The following KATNAL2 variants were observed in gnomAD, a reference collection of about 807,000 sequenced individuals.
KATNAL2 encodes katanin p60 ATPase-containing subunit A-like 2.
In KATNAL2, 52 loss-of-function variants were observed where a neutral mutation model predicts 76.3. The observed-to-expected ratio is 0.68, with a 90% CI of 0.55 to 0.86. The LOEUF is 0.86. KATNAL2 is among the 40% of genes least tolerant of loss of function. The pLI is 0.00. For synonymous variants in KATNAL2, 243 were observed against 244.2 expected (o/e 1.00, Z 0.05); for missense variants, 660 against 668.9 (o/e 0.99, Z 0.15).
intron 3 of KATNAL2, among the ~76,000 whole-genome samples, chr18:47,031,622 C>G (rs757482111): frequency 5.9e-5 from 9 of 152,278 alleles, no homozygotes; most frequent in East Asian, 3.9e-4. Context: ...TAGTGTAATA[C>G]TGGCAATTCT....
intron 8 of KATNAL2, among the ~76,000 whole-genome samples, chr18:47,061,467 G>A (rs1188578132): frequency 6.6e-6 from 1 of 152,138 alleles, no homozygotes; most frequent in Non-Finnish European, 1.5e-5. Flanking sequence ...AGCCTTTCAT[G>A]AGAGTTCCTC....
chr18:46,944,184 C>T (rs1182310100), intron 1 of KATNAL2, among the ~76,000 whole-genome samples: 1 of 152,144 alleles, frequency 6.6e-6, no homozygotes, highest in Non-Finnish European at 1.5e-5. Flanking sequence ...TTAGAAAAGA[C>T]AATTTCAAAG....
At position 46,917,615 on chromosome 18, in the gene KATNAL2, ACAGCGCCCGCCCGCGCCTGCCC is replaced by A; in HGVS notation, c.-819_-798del. ...GCCCGCGCCTTCAGTCCGCGCGGCG[ACAGCGCCCGCCCGCGCCTGCCC>A]CGGCGTGCTGCCCCGCGGCTTGGCC... On this transcript the variant is annotated 5_prime_UTR_variant, in exon 1 of 18. Transcript: ENST00000683218. 1 of 963,072 alleles carries A rather than the reference ACAGCGCCCGCCCGCGCCTGCCC, an allele frequency of 1.0e-6. No homozygotes were observed. Among genetic ancestry groups the A allele is most frequent in the Non-Finnish European group, 1.2e-6 (1 of 802,648 alleles). 59.7% of individuals were successfully genotyped at this position (963,072 alleles called of 1,614,324 possible).
intron 1 of KATNAL2, among the ~76,000 whole-genome samples, chr18:46,919,145 G>C (rs2058360194): frequency 6.6e-6 from 1 of 151,718 alleles, no homozygotes; most frequent in African/African-American, 2.4e-5. Context: ...GAGGTCGGGA[G>C]TTGCAGACCA....
intron 15 of KATNAL2, among the ~76,000 whole-genome samples, chr18:47,094,796 A>G (rs923262836): frequency 6.6e-6 from 1 of 152,144 alleles, no homozygotes; most frequent in South Asian, 2.1e-4. Context: ...AGTACAGTAC[A>G]CTATTTTCAA....
At chr18:47,044,040 A>G (rs1001273326) in intron 3 of KATNAL2, among the ~76,000 whole-genome samples, 3 of 152,210 alleles carry the variant, frequency 2.0e-5, no homozygotes, top group African/African-American at 7.2e-5. Flanking sequence ...ATGATATATT[A>G]TTTAGAAACA....
At chr18:47,070,904 C>T (rs1300087059) in intron 13 of KATNAL2, among the ~76,000 whole-genome samples, 3 of 152,140 alleles carry the variant, frequency 2.0e-5, no homozygotes, top group Admixed American at 6.6e-5. Context: ...AACTCAGTGC[C>T]AGTTCCGAAG....
intron 3 of KATNAL2, chr18:47,035,645 A>G (rs2060739433): frequency 2.4e-6 from 1 of 418,040 alleles, no homozygotes; most frequent in African/African-American, 2.0e-5. Flanking sequence ...CCCCGCCCCC[A>G]TACGTACTCA....
At chr18:47,035,789 T>C (rs1394508190) in intron 3 of KATNAL2, among the ~76,000 whole-genome samples, 1 of 152,200 alleles carries the variant, frequency 6.6e-6, no homozygotes, top group African/African-American at 2.4e-5. Flanking sequence ...GTTCGCAGGT[T>C]CCACATCTGT....
rs1473431498 is a variant in KATNAL2, at chr18:47,081,056, CTTCT to C, written c.1211+3603_1211+3606del. On this transcript the variant is annotated intron_variant, in intron 15 of 17. Coordinates refer to ENST00000683218, the MANE Select transcript of KATNAL2 (RefSeq NM_001387690.1). ...CCCTTCCCTCTTTCCTTCCTTCCCT[CTTCT>C]TTCTTTCCCGCCTTCTTCCCTCCTT... Among the ~76,000 whole-genome samples the C allele has an allele frequency of 2.8e-4, 41 of 147,014 alleles. 1 individual carries two copies. Among genetic ancestry groups the C allele is most frequent in the African/African-American group, 6.6e-4 (27 of 40,708 alleles).
At chr18:46,943,676 G>A (rs2059309497) in intron 1 of KATNAL2, among the ~76,000 whole-genome samples, 1 of 152,230 alleles carries the variant, frequency 6.6e-6, no homozygotes, top group Admixed American at 6.5e-5. Flanking sequence ...CTATGGAGTA[G>A]CCATTCCTTT....
intron 3 of KATNAL2, chr18:47,033,540 G>A (rs2060593757): frequency 6.2e-7 from 1 of 1,614,142 alleles, no homozygotes; most frequent in Non-Finnish European, 8.5e-7. Flanking sequence ...TAACGAGTGC[G>A]TGATTGTCTT....
intron 3 of KATNAL2, among the ~76,000 whole-genome samples, chr18:46,953,961 G>A (rs1199629244): frequency 1.3e-5 from 2 of 152,112 alleles, no homozygotes; most frequent in Non-Finnish European, 2.9e-5. Flanking sequence ...GGGAATAAGG[G>A]CAAAATAAGT....
At chr18:47,035,056 G>T in intron 3 of KATNAL2, 1 of 1,611,818 alleles carries the variant, frequency 6.2e-7, no homozygotes, top group Non-Finnish European at 8.5e-7. Flanking sequence ...CCACCGGGCC[G>T]CTAAGTCTCT....
intron 8 of KATNAL2, among the ~76,000 whole-genome samples, chr18:47,061,393 A>G (rs2061626714): frequency 6.6e-6 from 1 of 152,102 alleles, no homozygotes; most frequent in South Asian, 2.1e-4. Flanking sequence ...TGCTCTTATA[A>G]ACAACCAGGT....
rs1009663639 is a variant in KATNAL2 at position 46,946,260 on chromosome 18, C to T, written c.-306C>T. On this transcript the variant is annotated 5_prime_UTR_variant, in exon 2 of 18. It adds an upstream start codon to the 5' untranslated region. Transcript: ENST00000683218. ...AGGAAAACACGTCCATGTTTTTCCA[C>T]GTCTAATGAGAACAGGTCTGATGTG... 1.0e-5 allele frequency: 11 copies of T among 1,105,354 alleles called. No individual in the cohort carries two copies. The African/African-American group carries it at 1.5e-4, about 15-fold the overall frequency. 68.5% of individuals were successfully genotyped at this position (1,105,354 alleles called of 1,614,324 possible).
chr18:46,940,312 A>G (rs1476106333), intron 1 of KATNAL2, among the ~76,000 whole-genome samples: 1 of 152,238 alleles, frequency 6.6e-6, no homozygotes, highest in African/African-American at 2.4e-5. Flanking sequence ...GTGATGGGGC[A>G]AAAACCAGAT....
Position 46,946,918 on chromosome 18 carries a change from G to A in KATNAL2, c.46G>A (p.Glu16Lys). ...QTLKFTHQAR[E>K]ACEMRTEARR... is the part of the protein sequence containing the mutation. ...CCTGAAATTCACGCATCAGGCGCGG[G>A]AAGCGGTAAGGAACGCATATATAAA... is the stretch of plus-strand genomic sequence containing the variant. The change falls in exon 3 of 18, where the codon GAA becomes AAA. Residue 16 changes from glutamate to lysine, a missense_variant. Transcript: ENST00000683218. 1 of 1,529,958 alleles carries A rather than the reference G, an allele frequency of 6.5e-7. No individual in the cohort carries two copies. Among genetic ancestry groups the A allele is most frequent in the Non-Finnish European group, 8.8e-7 (1 of 1,141,264 alleles). 94.8% of individuals were successfully genotyped at this position (1,529,958 alleles called of 1,614,324 possible).
At chr18:47,093,463 T>TA (rs2063093069) in intron 15 of KATNAL2, among the ~76,000 whole-genome samples, 2 of 151,808 alleles carry the variant, frequency 1.3e-5, no homozygotes, top group South Asian at 2.1e-4. Flanking sequence ...TGTTCTCATT[T>TA]AAAAAACCAT....
Sources: allele counts gnomAD v4.1 joint callset (sites outside exome capture counted in the v4.1 genomes callset), GRCh38; gene constraint gnomAD v4.1.1; transcripts MANE v1.5; gene names NCBI Gene and HGNC (gene_info 2026-07-23, HGNC 2026-07-21).